Variants in KCNH5 observed in about 807,000 individuals in gnomAD.
KCNH5 encodes potassium voltage-gated channel subfamily H member 5.
A neutral mutation model predicts 96.1 loss-of-function variants in KCNH5; 46 were observed. The ratio of observed to expected loss-of-function variants is 0.48; its 90% confidence interval spans 0.38 to 0.61. The LOEUF is 0.61. Ranked by LOEUF, KCNH5 falls within the 20% of genes least tolerant of loss-of-function variation. The pLI, the probability that KCNH5 is intolerant of heterozygous loss-of-function variation, is 0.00. For synonymous variants in KCNH5, 439 were observed against 449.8 expected (o/e 0.98, Z 0.30); for missense variants, 907 against 1,225.8 (o/e 0.74, Z 3.88).
At chr14:63,003,129 C>T (rs1891041882) in intron 3 of KCNH5, among the ~76,000 whole-genome samples, 1 of 152,080 alleles carries the variant, frequency 6.6e-6, no homozygotes, top group Admixed American at 6.6e-5. Flanking sequence ...TCATGCCTTG[C>T]TGTGAAAACC....
At chr14:63,017,076 AAAT>A (rs1891340827) in intron 1 of KCNH5, 122 bp from the exon 2 acceptor site, 1 of 927,092 alleles carries the variant, frequency 1.1e-6, no homozygotes, top group Non-Finnish European at 1.6e-6. Flanking sequence ...GTAATTGTAC[AAAT>A]AATATAACCT....
intron 8 of KCNH5, among the ~76,000 whole-genome samples, chr14:62,838,211 C>T (rs1245083077): frequency 2.0e-5 from 3 of 152,144 alleles, no homozygotes; most frequent in Non-Finnish European, 4.4e-5. Flanking sequence ...GATTGGTCAT[C>T]CAGCCGGAAT....
intron 10 of KCNH5, among the ~76,000 whole-genome samples, chr14:62,759,126 T>C (rs1220257328): frequency 1.3e-5 from 2 of 152,234 alleles, no homozygotes; most frequent in African/African-American, 4.8e-5. Context: ...CTTTTGTTAC[T>C]ATATGGATGG....
At chr14:62,894,344 T>C (rs1222212552) in intron 7 of KCNH5, among the ~76,000 whole-genome samples, 1 of 152,192 alleles carries the variant, frequency 6.6e-6, no homozygotes, top group Non-Finnish European at 1.5e-5. Context: ...TATACTCCTA[T>C]GGACCGGAAA....
intron 1 of KCNH5, among the ~76,000 whole-genome samples, chr14:63,019,795 T>C (rs1159989515): frequency 6.6e-6 from 1 of 152,064 alleles, no homozygotes; most frequent in African/African-American, 2.4e-5. Context: ...ATAAGCCTCA[T>C]ATAGCAATCA....
intron 3 of KCNH5, among the ~76,000 whole-genome samples, chr14:63,003,500 A>ATTTTATATATATTATATATC (rs1891053753): frequency 8.1e-6 from 1 of 123,096 alleles, no homozygotes; most frequent in Non-Finnish European, 1.6e-5. Flanking sequence ...TATTATATAT[A>ATTTTATATATATTATATATC]TATTTTATAT....
chr14:62,715,581 C>T (rs1884666795), intron 10 of KCNH5, among the ~76,000 whole-genome samples: 1 of 152,178 alleles, frequency 6.6e-6, no homozygotes. Context: ...TCGCAAATGA[C>T]CATTCTACAA....
chr14:62,828,035 GT>G (rs1281637581), intron 8 of KCNH5, among the ~76,000 whole-genome samples: 1 of 151,984 alleles, frequency 6.6e-6, no homozygotes, highest in African/African-American at 2.4e-5. Context: ...GAGACAAAAT[GT>G]GGGCACCTTA....
At chr14:62,926,545 G>A (rs2140112468) in intron 7 of KCNH5, among the ~76,000 whole-genome samples, 2 of 152,230 alleles carry the variant, frequency 1.3e-5, no homozygotes, top group Middle Eastern at 3.4e-3. Flanking sequence ...TTGAACAACA[G>A]AAATTTATTT....
At chr14:62,748,321 ATAT>A (rs1301196507) in intron 10 of KCNH5, among the ~76,000 whole-genome samples, 2 of 152,164 alleles carry the variant, frequency 1.3e-5, no homozygotes, top group Non-Finnish European at 2.9e-5. Flanking sequence ...GCAAGAATCG[ATAT>A]TATTATCTTC....
chr14:62,995,906 A>G (rs1414727304), intron 4 of KCNH5, among the ~76,000 whole-genome samples: 2 of 152,176 alleles, frequency 1.3e-5, no homozygotes, highest in Non-Finnish European at 2.9e-5. Flanking sequence ...GGTTGGGAAA[A>G]AAAAAATAGA....
At chr14:62,830,438 T>C (rs1887319909) in intron 8 of KCNH5, among the ~76,000 whole-genome samples, 1 of 152,184 alleles carries the variant, frequency 6.6e-6, no homozygotes. Flanking sequence ...AAAGGTTTAA[T>C]TTACTCACAG....
At chr14:62,981,347 C>T (rs1890604044) in intron 5 of KCNH5, 83 bp from the exon 6 acceptor site, 1 of 1,336,528 alleles carries the variant, frequency 7.5e-7, no homozygotes. Context: ...GGCAGTCAAA[C>T]CACAGCCAGT....
In KCNH5 at chr14:63,006,870, C is replaced by G. The variant is rs567702157; in HGVS notation, c.198-398G>C. ...CCTGTCAGTATTGGAAACAGCACGG[C>G]TGTTACTCAGTTCACGCACAGACAG... On this transcript the variant is annotated intron_variant, in intron 2 of 10. Transcript: ENST00000322893. 3.3e-5 allele frequency among the ~76,000 whole-genome samples: 5 copies of G among 152,330 alleles called. No individual in the cohort carries two copies. The East Asian group carries it at 9.6e-4, about 29-fold the overall frequency.
At chr14:62,830,472 G>A (rs1168604811) in intron 8 of KCNH5, among the ~76,000 whole-genome samples, 2 of 152,162 alleles carry the variant, frequency 1.3e-5, no homozygotes, top group African/African-American at 4.8e-5. Flanking sequence ...GGAGGCCTCA[G>A]GAAACATACA....
intron 4 of KCNH5, among the ~76,000 whole-genome samples, chr14:62,987,868 G>A (rs372911797): frequency 6.6e-6 from 1 of 152,118 alleles, no homozygotes; most frequent in Non-Finnish European, 1.5e-5. Flanking sequence ...ATGTGTTTGT[G>A]TGCAGATATA....
At chr14:62,928,547 A>C (rs1467687552) in intron 7 of KCNH5, among the ~76,000 whole-genome samples, 1 of 151,978 alleles carries the variant, frequency 6.6e-6, no homozygotes, top group Non-Finnish European at 1.5e-5. Flanking sequence ...TAATATTACT[A>C]CCCCATTTTA....
intron 1 of KCNH5, among the ~76,000 whole-genome samples, chr14:63,024,213 A>AAAAAAAAAAAAAAAAAAAATATATATAT (rs1288682150): frequency 7.1e-6 from 1 of 139,876 alleles, no homozygotes; most frequent in African/African-American, 2.6e-5. Context: ...CATCTCAAAA[A>AAAAAAAAAAAAAAAAAAAATATATATAT]ATATATATAT....
intron 7 of KCNH5, among the ~76,000 whole-genome samples, chr14:62,893,582 C>T (rs531047592): frequency 7.2e-5 from 11 of 152,128 alleles, no homozygotes; most frequent in Non-Finnish European, 1.0e-4. Context: ...ATGGTGAAAT[C>T]CTGCCTCCAC....
Sources: gnomAD v4.1 joint callset for allele counts (sites outside exome capture counted in the v4.1 genomes callset) on GRCh38, gnomAD v4.1.1 for gene constraint, MANE v1.5 for transcripts, NCBI Gene and HGNC (gene_info 2026-07-23, HGNC 2026-07-21) for gene names.